CADPS: variants seen among roughly 807,000 people sequenced by gnomAD.
The protein encoded by CADPS is calcium-dependent secretion activator 1.
In CADPS, 57 loss-of-function variants were observed where a neutral mutation model predicts 167.3. The ratio of observed to expected loss-of-function variants is 0.34; its 90% CI spans 0.28 to 0.42. The LOEUF (loss-of-function observed/expected upper bound fraction) is 0.42, where lower values mean the gene tolerates loss of function less well. CADPS is among the 20% of genes least tolerant of loss of function. CADPS has a pLI of 1.00. For missense variants in CADPS, 1,414 were observed against 1,738.1 expected (o/e 0.81, Z 3.32); for synonymous variants, 676 against 635.3 (o/e 1.06, Z -0.96).
At position 62,493,640 on chromosome 3, in the gene CADPS, C is replaced by T. The variant is rs1384494842; in HGVS notation, c.2727+5G>A. On this transcript the variant is annotated splice_donor_5th_base_variant and intron_variant, in intron 19 of 29. Coordinates refer to ENST00000383710, the MANE Select transcript of CADPS (RefSeq NM_003716.4). ...TCTTCTTTCACGAGATTTCACTTTA[C>T]TTACTTCTCCTTTATCAACATGTGG... 2.6e-6 allele frequency: 4 copies of T among 1,554,768 alleles called. No individual in the cohort carries two copies. In the South Asian group the frequency reaches 4.7e-5, roughly 18 times the overall value.
intron 1 of CADPS, among the ~76,000 whole-genome samples, chr3:62,855,007 C>G (rs1466045620): frequency 1.3e-5 from 2 of 151,720 alleles, no homozygotes; most frequent in Admixed American, 1.3e-4. Context: ...TCACTACAAC[C>G]TCCACCTCCT....
chr3:62,716,619 C>T (rs571844429), intron 3 of CADPS, among the ~76,000 whole-genome samples: 6 of 147,588 alleles, frequency 4.1e-5, no homozygotes, highest in African/African-American at 1.5e-4. Context: ...TATATCAAAA[C>T]CAAACCTTTA....
intron 3 of CADPS, among the ~76,000 whole-genome samples, chr3:62,745,367 C>G (rs2081238402): frequency 6.6e-6 from 1 of 152,184 alleles, no homozygotes; most frequent in South Asian, 2.1e-4. Context: ...GCCACTACAT[C>G]TGGCCAGTAT....
At chr3:62,694,863 T>C (rs1401101380) in intron 3 of CADPS, among the ~76,000 whole-genome samples, 4 of 152,090 alleles carry the variant, frequency 2.6e-5, no homozygotes, top group African/African-American at 9.7e-5. Flanking sequence ...TGGGACTCTG[T>C]CTTACAGAAT....
At chr3:62,401,151 T>C (rs1168700672) in intron 29 of CADPS, among the ~76,000 whole-genome samples, 1 of 152,190 alleles carries the variant, frequency 6.6e-6, no homozygotes, top group Non-Finnish European at 1.5e-5. Context: ...TGTTTTCACT[T>C]TGATGGGGAC....
Position 62,753,771 on chromosome 3 carries a change from C to T in CADPS, c.558G>A (p.Val186=). 6.2e-7 allele frequency: 1 copy of T among 1,609,954 alleles called. No individual in the cohort carries two copies. The highest frequency in any genetic ancestry group is 8.5e-7 in the Non-Finnish European group (1 of 1,177,218). The stretch of plus-strand genomic sequence containing the variant: ...GGGCCACACGGTCGCTCTTCAGGAA[C>T]ACCTGAGCAAGAACAAGGCCAGGAA... The part of the protein sequence containing the change: ...FMNAVQSYYE[V]FLKSDRVARM... Residue 186 remains valine, a splice_region_variant and synonymous_variant, in exon 3 of 30, where the codon GTG becomes GTA. Transcript: ENST00000383710. This position sits in a 1 kb window ranked among gnomAD's most constrained non-coding sequence, Gnocchi z 4.6.
At chr3:62,516,234 C>T (rs564383505) in intron 15 of CADPS, 52 bp from the exon 16 acceptor site, 7 of 1,600,090 alleles carry the variant, frequency 4.4e-6, no homozygotes, top group East Asian at 4.5e-5. Context: ...AAATGTGTCA[C>T]TCATCCATAC....
chr3:62,804,809 T>A (rs536734504), intron 1 of CADPS, among the ~76,000 whole-genome samples: 1 of 152,208 alleles, frequency 6.6e-6, no homozygotes, highest in South Asian at 2.1e-4. Context: ...TTACTTCAAA[T>A]GGTGAAAAGA....
chr3:62,436,166 T>G (rs571847030), intron 28 of CADPS, among the ~76,000 whole-genome samples: 14 of 152,242 alleles, frequency 9.2e-5, no homozygotes, highest in African/African-American at 2.9e-4. Context: ...GCTACCTTGC[T>G]TGTACTTCTA....
chr3:62,750,924 A>AT (rs1316699281), intron 3 of CADPS, among the ~76,000 whole-genome samples: 1 of 152,136 alleles, frequency 6.6e-6, no homozygotes, highest in African/African-American at 2.4e-5. Flanking sequence ...GCATGCTTCC[A>AT]TTTTTTCACT....
intron 24 of CADPS, among the ~76,000 whole-genome samples, chr3:62,469,174 G>C (rs1315076490): frequency 6.6e-6 from 1 of 152,246 alleles, no homozygotes; most frequent in East Asian, 1.9e-4. Flanking sequence ...GTAGCAAAGA[G>C]GTAAATATCA....
At chr3:62,852,470 T>C (rs2078823126) in intron 1 of CADPS, among the ~76,000 whole-genome samples, 1 of 152,148 alleles carries the variant, frequency 6.6e-6, no homozygotes, top group African/African-American at 2.4e-5. Flanking sequence ...CGTCTCTTCT[T>C]TCATTTTCCT....
At chr3:62,629,686 C>T (rs944202314) in intron 6 of CADPS, among the ~76,000 whole-genome samples, 4 of 152,130 alleles carry the variant, frequency 2.6e-5, no homozygotes, top group African/African-American at 9.7e-5. Flanking sequence ...TCGTGTCCTA[C>T]AAGGCCTCCA....
intron 11 of CADPS, among the ~76,000 whole-genome samples, chr3:62,543,936 T>A (rs2076085345): frequency 1.3e-5 from 2 of 152,158 alleles, no homozygotes; most frequent in South Asian, 4.1e-4. Context: ...GTCTCCTTTT[T>A]CTCTTACATG....
intron 1 of CADPS, among the ~76,000 whole-genome samples, chr3:62,783,085 T>A (rs149139960): frequency 3.9e-5 from 6 of 152,174 alleles, no homozygotes; most frequent in African/African-American, 9.6e-5. Context: ...TAATATAGCA[T>A]CTTACATTCC....
In CADPS at chr3:62,696,150, C is replaced by A. The variant is rs560400812; in HGVS notation, c.889-33756G>T. Among the ~76,000 whole-genome samples the A allele has an allele frequency of 3.9e-5, 6 of 152,046 alleles. 1 individual carries two copies. Among genetic ancestry groups the A allele is most frequent in the African/African-American group, 1.5e-4 (6 of 41,354 alleles). On this transcript the variant is annotated intron_variant, in intron 3 of 29. Transcript: ENST00000383710. ...TAAGTTACTCTCCCTCAGCTACAAA[C>A]CCTGTATTTGGCTGGGTGACATTGG...
chr3:62,485,548 A>G (rs2062688105), intron 21 of CADPS, among the ~76,000 whole-genome samples: 1 of 150,480 alleles, frequency 6.6e-6, no homozygotes, highest in African/African-American at 2.4e-5. Flanking sequence ...TTCCTTTTTC[A>G]TGATAATTTT....
intron 3 of CADPS, among the ~76,000 whole-genome samples, chr3:62,718,137 C>A (rs1479839069): frequency 6.6e-6 from 1 of 152,106 alleles, no homozygotes; most frequent in African/African-American, 2.4e-5. Context: ...TTACTACCAT[C>A]TGCAATCTTA....
intron 21 of CADPS, 88 bp from the exon 22 acceptor site, chr3:62,481,957 A>G: frequency 7.6e-7 from 1 of 1,315,138 alleles, no homozygotes; most frequent in Non-Finnish European, 1.1e-6. Flanking sequence ...AAATAAATTG[A>G]CCAAGTCCAC....
Sources: allele counts gnomAD v4.1 joint callset (sites outside exome capture counted in the v4.1 genomes callset), GRCh38; gene constraint gnomAD v4.1.1; non-coding constraint Gnocchi (gnomAD v3.1); transcripts MANE v1.5; gene names NCBI Gene and HGNC (gene_info 2026-07-23, HGNC 2026-07-21).